Variants in CCDC102B observed in about 807,000 individuals in gnomAD.
CCDC102B encodes the protein coiled-coil domain-containing protein 102B.
In CCDC102B, 75 loss-of-function variants were observed where a neutral mutation model predicts 57.4. The observed-to-expected ratio is 1.31, with a 90% confidence interval of 1.08 to 1.58. The LOEUF is 1.58. CCDC102B is among the 40% of genes most tolerant of loss of function. The pLI, the probability that CCDC102B is intolerant of heterozygous loss-of-function variation, is 0.00. For missense variants in CCDC102B, 636 were observed against 582.6 expected (o/e 1.09, Z -0.94); for synonymous variants, 206 against 201.9 (o/e 1.02, Z -0.17).
chr18:68,962,397 A>G (rs2050067500), intron 6 of CCDC102B, among the ~76,000 whole-genome samples: 1 of 152,020 alleles, frequency 6.6e-6, no homozygotes, highest in African/African-American at 2.4e-5. Flanking sequence ...CTCCTTATGT[A>G]TATTTCCAGA....
At chr18:68,716,812 C>T (rs929695376) in intron 2 of CCDC102B, among the ~76,000 whole-genome samples, 1 of 151,964 alleles carries the variant, frequency 6.6e-6, no homozygotes, top group Non-Finnish European at 1.5e-5. Context: ...GGCGCGGTGG[C>T]TTACACCTGT....
chr18:68,853,929 G>A (rs375287392), intron 4 of CCDC102B, among the ~76,000 whole-genome samples: 8 of 152,098 alleles, frequency 5.3e-5, no homozygotes, highest in East Asian at 3.9e-4. Flanking sequence ...AACTAGACAA[G>A]AGATGTGCCC....
intron 2 of CCDC102B, among the ~76,000 whole-genome samples, chr18:68,761,591 A>T (rs2034255971): frequency 6.6e-6 from 1 of 151,952 alleles, no homozygotes; most frequent in African/African-American, 2.4e-5. Context: ...GGTGAGGTGA[A>T]GATTTTATTA....
At chr18:68,805,868 T>G (rs1390102609) in intron 1 of CCDC102B, among the ~76,000 whole-genome samples, 1 of 152,174 alleles carries the variant, frequency 6.6e-6, no homozygotes, top group African/African-American at 2.4e-5. Context: ...ACATAATTGG[T>G]TTCATTATAT....
At chr18:68,807,036 C>T (rs893892513) in intron 1 of CCDC102B, among the ~76,000 whole-genome samples, 2 of 152,068 alleles carry the variant, frequency 1.3e-5, no homozygotes, top group African/African-American at 4.8e-5. Flanking sequence ...TATTTATCTC[C>T]TTGTTGAAAG....
chr18:68,926,870 CTAAA>C (rs2041491500), intron 6 of CCDC102B, among the ~76,000 whole-genome samples: 1 of 151,798 alleles, frequency 6.6e-6, no homozygotes, highest in Non-Finnish European at 1.5e-5. Flanking sequence ...TGATTTGTTT[CTAAA>C]TAAAGATTTA....
At chr18:68,794,177 C>CA (rs1555702234), upstream of CCDC102B, among the ~76,000 whole-genome samples, 1 of 152,110 alleles carries the variant, frequency 6.6e-6, no homozygotes, top group Non-Finnish European at 1.5e-5. Flanking sequence ...GATTAAAACT[C>CA]AGAGTTTTAC....
chr18:68,813,860 A>C (rs915371787), intron 1 of CCDC102B, among the ~76,000 whole-genome samples: 2 of 151,742 alleles, frequency 1.3e-5, no homozygotes, highest in Admixed American at 1.3e-4. Context: ...CAGTTATCTG[A>C]GAACGATGTG....
chr18:69,002,992 T>G (rs2145365740), intron 6 of CCDC102B, among the ~76,000 whole-genome samples: 1 of 152,306 alleles, frequency 6.6e-6, no homozygotes, highest in East Asian at 1.9e-4. Context: ...CAACTCCATG[T>G]CATCTTGTCC....
At chr18:68,719,807 C>G (rs894187855) in intron 2 of CCDC102B, among the ~76,000 whole-genome samples, 3 of 152,136 alleles carry the variant, frequency 2.0e-5, no homozygotes, top group African/African-American at 7.2e-5. Flanking sequence ...AAATAGGGAA[C>G]ACTCACCAAT....
chr18:68,768,988 T>G (rs2034552049), intron 2 of CCDC102B, among the ~76,000 whole-genome samples: 1 of 152,082 alleles, frequency 6.6e-6, no homozygotes, highest in South Asian at 2.1e-4. Context: ...ATTCGGTGGT[T>G]CACGCCTGTA....
chr18:68,915,843 A>G (rs1030185562), intron 6 of CCDC102B, among the ~76,000 whole-genome samples: 1 of 152,232 alleles, frequency 6.6e-6, no homozygotes, highest in Admixed American at 6.5e-5. Flanking sequence ...TAAAGTACGA[A>G]TGAAGATTTT....
chr18:68,951,550 G>A (rs74739946), intron 6 of CCDC102B, among the ~76,000 whole-genome samples: 2,117 of 152,112 alleles, frequency 0.014, 20 homozygotes, highest in East Asian at 0.033. Context: ...CCTCATGCCC[G>A]TAATCCCCGT....
At chr18:68,889,030 G>GTTTTTTTTTTT (rs5825880) in intron 5 of CCDC102B, among the ~76,000 whole-genome samples, 1 of 148,484 alleles carries the variant, frequency 6.7e-6, no homozygotes. Context: ...GTTTTTCTTT[G>GTTTTTTTTTTT]TTTTTTTTTT....
chr18:68,990,525 G>A (rs1241348641), intron 6 of CCDC102B, among the ~76,000 whole-genome samples: 2 of 152,130 alleles, frequency 1.3e-5, no homozygotes, highest in Non-Finnish European at 2.9e-5. Flanking sequence ...TGGGTATCTT[G>A]TATATCATGT....
chr18:68,821,717 A>G (rs944243497), intron 1 of CCDC102B, among the ~76,000 whole-genome samples: 6 of 151,938 alleles, frequency 3.9e-5, no homozygotes, highest in Non-Finnish European at 7.4e-5. Context: ...GTATGTATAT[A>G]CACATATATG....
rs1568293179 is a variant in CCDC102B, at chr18:68,857,319, T to TCA, written c.936+10898_936+10899insCA. On this transcript the variant is annotated intron_variant, in intron 4 of 7. Transcript: ENST00000360242. ...TATATATATAATATATATTTATATA[T>TCA]TATATATATAAAATATATATTTATA... 1.9e-3 allele frequency among the ~76,000 whole-genome samples: 7 copies of TCA among 3,762 alleles called. 1 individual carries two copies. The highest frequency in any genetic ancestry group is 5.1e-3 in the African/African-American group (7 of 1,380). 2.5% of individuals were successfully genotyped at this position (3,762 alleles called of 152,430 possible).
intron 6 of CCDC102B, among the ~76,000 whole-genome samples, chr18:68,977,909 C>G (rs551346558): frequency 6.6e-6 from 1 of 151,942 alleles, no homozygotes; most frequent in East Asian, 1.9e-4. Flanking sequence ...ACGCTGAACA[C>G]AGTAACCTTG....
chr18:69,012,450 G>A (rs2051543867), intron 7 of CCDC102B, among the ~76,000 whole-genome samples: 1 of 152,072 alleles, frequency 6.6e-6, no homozygotes, highest in Admixed American at 6.6e-5. Flanking sequence ...TTTAAATAAT[G>A]AGCTGCGGTC....
Sources: gnomAD v4.1 joint callset for allele counts (sites outside exome capture counted in the v4.1 genomes callset) on GRCh38, gnomAD v4.1.1 for gene constraint, MANE v1.5 for transcripts, NCBI Gene and HGNC (gene_info 2026-07-23, HGNC 2026-07-21) for gene names.